The following KAT2B variants were observed in gnomAD, a reference collection of about 807,000 sequenced individuals.
KAT2B encodes lysine acetyltransferase 2B, also known as histone acetyltransferase KAT2B.
Under a neutral mutation model 105.9 loss-of-function variants are expected in KAT2B, and 36 were observed. The observed-to-expected ratio is 0.34, with a 90% CI of 0.26 to 0.45. The LOEUF (loss-of-function observed/expected upper bound fraction) is 0.45, where lower values mean the gene tolerates loss of function less well. Ranked by LOEUF, KAT2B falls within the 20% of genes least tolerant of loss-of-function variation. KAT2B has a pLI of 1.00. For synonymous variants in KAT2B, 397 were observed against 377.9 expected (o/e 1.05, Z -0.59); for missense variants, 820 against 1,021.6 (o/e 0.80, Z 2.69).
intron 3 of KAT2B, among the ~76,000 whole-genome samples, chr3:20,099,650 A>G (rs143632609): frequency 2.6e-5 from 4 of 152,264 alleles, no homozygotes; most frequent in African/African-American, 7.2e-5. Context: ...ATGAAGGCCA[A>G]TTTGGGTTAC....
intron 13 of KAT2B, among the ~76,000 whole-genome samples, chr3:20,145,616 C>T (rs1326507332): frequency 7.4e-6 from 1 of 134,864 alleles, no homozygotes; most frequent in Non-Finnish European, 1.5e-5. Flanking sequence ...GAAGTAGTTA[C>T]CTCAGCATAT....
Position 20,152,438 on chromosome 3 carries a change from C to A in KAT2B, c.2412C>A (p.Pro804=), listed in dbSNP as rs1559335864. The A allele has an allele frequency of 1.2e-6, 2 of 1,613,346 alleles. No homozygotes were observed. Among genetic ancestry groups the A allele is most frequent in the Non-Finnish European group, 8.5e-7 (1 of 1,179,468 alleles). Residue 804 remains proline, a synonymous_variant, in exon 18 of 18, where the codon CCC becomes CCA. Coordinates refer to ENST00000263754, the MANE Select transcript of KAT2B (RefSeq NM_003884.5). Reference sequence around the variant, plus strand: ...TTACCAATTGCAAAGAGTACAACCCCCCTGAGAGTGAATACTACAAATGTG... The same window carrying A: ...TTACCAATTGCAAAGAGTACAACCCACCTGAGAGTGAATACTACAAATGTG... ...RVFTNCKEYN[P]PESEYYKCAN...
intron 1 of KAT2B, 52 bp downstream of exon 1, chr3:20,040,832 C>T (rs758843305): frequency 6.6e-7 from 1 of 1,515,594 alleles, no homozygotes; most frequent in South Asian, 1.2e-5. Context: ...GCCCAGCCCG[C>T]GGGACCCCCC....
intron 1 of KAT2B, among the ~76,000 whole-genome samples, chr3:20,062,151 A>AC (rs1559514188): frequency 1.6e-4 from 14 of 85,528 alleles, no homozygotes; most frequent in African/African-American, 6.2e-4. Context: ...AATATATAAA[A>AC]ATATATAATA....
chr3:20,118,015 T>C (rs1699235242), intron 7 of KAT2B, among the ~76,000 whole-genome samples: 1 of 152,026 alleles, frequency 6.6e-6, no homozygotes, highest in African/African-American at 2.4e-5. Context: ...ATGCTTTACC[T>C]GGTTATAAAC....
chr3:20,086,612 A>G (rs1262796592), intron 2 of KAT2B, among the ~76,000 whole-genome samples: 2 of 151,944 alleles, frequency 1.3e-5, no homozygotes, highest in Non-Finnish European at 2.9e-5. Context: ...ACACTGCCCC[A>G]CCCCACAAAA....
intron 17 of KAT2B, among the ~76,000 whole-genome samples, chr3:20,151,114 C>T (rs769898227): frequency 1.3e-5 from 2 of 152,032 alleles, no homozygotes; most frequent in Non-Finnish European, 2.9e-5. Flanking sequence ...TGTTTCTTAG[C>T]GCTTTTAGAT....
At chr3:20,149,856 T>C (rs181994241) in intron 17 of KAT2B, among the ~76,000 whole-genome samples, 125 of 152,336 alleles carry the variant, frequency 8.2e-4, no homozygotes, top group African/African-American at 2.9e-3. Flanking sequence ...TGTGTCCATT[T>C]CCAACCATAA....
intron 11 of KAT2B, among the ~76,000 whole-genome samples, chr3:20,132,537 A>G (rs1699529112): frequency 6.6e-6 from 1 of 152,226 alleles, no homozygotes; most frequent in Non-Finnish European, 1.5e-5. Flanking sequence ...ACAAGGGGAA[A>G]TAGGTCTGGG....
intron 1 of KAT2B, among the ~76,000 whole-genome samples, chr3:20,052,983 A>G (rs1219333420): frequency 6.6e-6 from 1 of 152,194 alleles, no homozygotes; most frequent in Non-Finnish European, 1.5e-5. Flanking sequence ...TCTTCAAAAA[A>G]GAAAGATGAG....
At chr3:20,118,899 C>T (rs897146629) in intron 7 of KAT2B, among the ~76,000 whole-genome samples, 3 of 151,446 alleles carry the variant, frequency 2.0e-5, no homozygotes, top group Admixed American at 6.6e-5. Context: ...TATTCTCTAA[C>T]ATAAAAACTA....
intron 1 of KAT2B, among the ~76,000 whole-genome samples, chr3:20,054,224 G>A (rs1287090421): frequency 1.8e-5 from 2 of 109,496 alleles, no homozygotes; most frequent in Non-Finnish European, 4.8e-5. Flanking sequence ...CCGCCTCCTG[G>A]GTTCAAGCAA....
intron 13 of KAT2B, among the ~76,000 whole-genome samples, chr3:20,142,269 C>G (rs1035975231): frequency 1.3e-5 from 2 of 152,162 alleles, no homozygotes; most frequent in African/African-American, 2.4e-5. Context: ...TCTCCTCCCC[C>G]TCTGCCTCCA....
chr3:20,104,077 C>T (rs1698956969), intron 5 of KAT2B, among the ~76,000 whole-genome samples: 1 of 152,124 alleles, frequency 6.6e-6, no homozygotes, highest in Non-Finnish European at 1.5e-5. Flanking sequence ...AAGCTAAAGC[C>T]TTAAATGTAT....
intron 2 of KAT2B, among the ~76,000 whole-genome samples, chr3:20,080,823 A>G (rs11128934): frequency 0.27 from 41,462 of 152,166 alleles, 5,755 homozygotes; most frequent in East Asian, 0.45. Context: ...TTAATATTGC[A>G]TACGTATTGA....
chr3:20,055,033 G>A (rs1365028754), intron 1 of KAT2B, among the ~76,000 whole-genome samples: 3 of 152,040 alleles, frequency 2.0e-5, no homozygotes, highest in African/African-American at 7.2e-5. Context: ...ACCATTGTGA[G>A]CCAGGGGGAG....
At chr3:20,046,363 C>G (rs1575101929) in intron 1 of KAT2B, among the ~76,000 whole-genome samples, 1 of 152,176 alleles carries the variant, frequency 6.6e-6, no homozygotes, top group African/African-American at 2.4e-5. Flanking sequence ...AGACGGATCA[C>G]TTGAGCTCAC....
intron 11 of KAT2B, among the ~76,000 whole-genome samples, chr3:20,129,619 G>T (rs1278254720): frequency 6.6e-6 from 1 of 152,056 alleles, no homozygotes. Flanking sequence ...CAGGTGATCT[G>T]CCCTCCCTGG....
At chr3:20,062,237 A>AAATATATAAAATATATGATATATAT (rs1474540029) in intron 1 of KAT2B, among the ~76,000 whole-genome samples, 3 of 41,944 alleles carry the variant, frequency 7.2e-5, no homozygotes, top group Admixed American at 4.1e-4. Flanking sequence ...AATATATATA[A>AAATATATAAAATATATGATATATAT]AATATATAAT....
Sources: allele counts gnomAD v4.1 joint callset (sites outside exome capture counted in the v4.1 genomes callset), GRCh38; gene constraint gnomAD v4.1.1; transcripts MANE v1.5; gene names NCBI Gene and HGNC (gene_info 2026-07-23, HGNC 2026-07-21).